The following TMEM135 variants were observed in gnomAD, a reference collection of about 807,000 sequenced individuals.
The protein encoded by TMEM135 is transmembrane protein 135, also known as peroxisomal membrane protein 52.
TMEM135 carries 30 observed loss-of-function variants against 60.3 expected under a neutral mutation model. The ratio of observed to expected loss-of-function variants is 0.50; its 90% CI spans 0.37 to 0.68. The LOEUF (loss-of-function observed/expected upper bound fraction) is 0.68. Among genes scored for constraint, TMEM135 ranks in the 30% least tolerant of loss-of-function variants. The pLI, the probability that TMEM135 is intolerant of heterozygous loss-of-function variation, is 0.00. For missense variants in TMEM135, 468 were observed against 548.8 expected, an observed-to-expected ratio of 0.85 and a Z score of 1.47; for synonymous variants, 190 against 186.7, an observed-to-expected ratio of 1.02 and a Z score of -0.14.
At chr11:87,200,324 A>G (rs570022345) in intron 5 of TMEM135, among the ~76,000 whole-genome samples, 13 of 152,292 alleles carry the variant, frequency 8.5e-5, no homozygotes, top group Admixed American at 7.8e-4. Flanking sequence ...TTATCTTGTT[A>G]TGATTTTGGT....
chr11:87,197,768 T>G (rs1278303926), intron 5 of TMEM135, among the ~76,000 whole-genome samples: 1 of 152,140 alleles, frequency 6.6e-6, no homozygotes, highest in African/African-American at 2.4e-5. Flanking sequence ...AGGGATATCA[T>G]ATAAATGCAA....
intron 9 of TMEM135, among the ~76,000 whole-genome samples, chr11:87,306,619 C>T (rs1416449070): frequency 6.6e-6 from 1 of 152,146 alleles, no homozygotes; most frequent in African/African-American, 2.4e-5. Context: ...TGTGTTGTCC[C>T]TCCTCCCTTC....
intron 6 of TMEM135, among the ~76,000 whole-genome samples, chr11:87,255,758 G>T (rs974363328): frequency 1.3e-5 from 2 of 152,132 alleles, no homozygotes; most frequent in African/African-American, 4.8e-5. Context: ...TTCTCTCCCT[G>T]CCTGTAAGAG....
chr11:87,223,573 T>C (rs1940694709), intron 5 of TMEM135, among the ~76,000 whole-genome samples: 1 of 151,812 alleles, frequency 6.6e-6, no homozygotes, highest in Non-Finnish European at 1.5e-5. Flanking sequence ...CCCCAAAAAG[T>C]CTGGGCATGG....
chr11:87,308,790 G>A (rs1160022743), intron 9 of TMEM135, among the ~76,000 whole-genome samples: 1 of 152,134 alleles, frequency 6.6e-6, no homozygotes, highest in East Asian at 1.9e-4. Context: ...ACCAGTAATA[G>A]TCATCCTCTC....
chr11:87,319,885 C>G (rs1231665801), intron 14 of TMEM135, among the ~76,000 whole-genome samples: 5 of 152,166 alleles, frequency 3.3e-5, no homozygotes, highest in Non-Finnish European at 7.4e-5. Context: ...TGGAGTCAGA[C>G]AGACCTAAGT....
At chr11:87,045,115 C>T (rs1160874362) in intron 1 of TMEM135, among the ~76,000 whole-genome samples, 2 of 151,928 alleles carry the variant, frequency 1.3e-5, no homozygotes, top group East Asian at 1.9e-4. Context: ...CTGCAAGCTG[C>T]GCCTCCCGGG....
Position 87,182,521 on chromosome 11 carries a change from C to T in TMEM135, c.462+25115C>T, listed in dbSNP as rs75155548. ...AATTTGAATCTCCTTGCATCACTAA[C>T]ATCTAAGTATATGGCAAATGCAATT... On this transcript the variant is annotated intron_variant, in intron 5 of 14. Transcript: ENST00000305494. Among the ~76,000 whole-genome samples the T allele has an allele frequency of 8.1e-3, 1,231 of 152,240 alleles. 16 individuals carry two copies. The highest frequency in any genetic ancestry group is 0.028 in the African/African-American group (1,171 of 41,550).
chr11:87,146,481 A>G (rs775059824), intron 4 of TMEM135, among the ~76,000 whole-genome samples: 1 of 152,208 alleles, frequency 6.6e-6, no homozygotes. Flanking sequence ...GCCTTAAGCG[A>G]TCCTCCTACT....
chr11:87,167,148 C>A (rs477062), intron 5 of TMEM135, among the ~76,000 whole-genome samples: 81,005 of 151,884 alleles, frequency 0.53, 22,564 homozygotes, highest in East Asian at 0.73. Flanking sequence ...ATTTTTGCAC[C>A]TTGATTTTGT....
At chr11:87,110,320 G>A (rs1036728313) in intron 4 of TMEM135, among the ~76,000 whole-genome samples, 6 of 152,114 alleles carry the variant, frequency 3.9e-5, no homozygotes, top group African/African-American at 1.4e-4. Context: ...CTGGAAGGCC[G>A]GGCATGGCGG....
intron 6 of TMEM135, among the ~76,000 whole-genome samples, chr11:87,255,155 G>A (rs1250591773): frequency 6.6e-6 from 1 of 151,970 alleles, no homozygotes; most frequent in East Asian, 1.9e-4. Context: ...ACAGTAAATG[G>A]GACTGGACAA....
chr11:87,141,281 T>C (rs1345994715), intron 4 of TMEM135, among the ~76,000 whole-genome samples: 3 of 152,136 alleles, frequency 2.0e-5, no homozygotes, highest in Admixed American at 2.0e-4. Context: ...CACTTTTTAG[T>C]GTTTAGGTCG....
At chr11:87,308,529 C>A (rs1191874452) in intron 9 of TMEM135, among the ~76,000 whole-genome samples, 2 of 152,056 alleles carry the variant, frequency 1.3e-5, no homozygotes, top group Non-Finnish European at 2.9e-5. Context: ...AAGAAAGCTG[C>A]AGTCCAGAAA....
In TMEM135 at chr11:87,192,837, G is replaced by A. The variant is rs189733552; in HGVS notation, c.462+35431G>A. 2.9e-3 allele frequency among the ~76,000 whole-genome samples: 439 copies of A among 152,178 alleles called. 8 individuals carry two copies. Among genetic ancestry groups the A allele is most frequent in the African/African-American group, 9.0e-3 (374 of 41,520 alleles). ...CTTTTAATAAATATTTTGGTTTGCCGGGCATGGTGGCTCACGCCTGTAATT... is the reference window on the plus strand; with the variant it reads ...CTTTTAATAAATATTTTGGTTTGCCAGGCATGGTGGCTCACGCCTGTAATT... On this transcript the variant is annotated intron_variant, in intron 5 of 14. Transcript: ENST00000305494.
rs528384731 is a variant in TMEM135 at position 87,076,490 on chromosome 11, T to C, written c.362+4875T>C. ...GAAATGCTGTCCAAGAGCCTAGACC[T>C]GGACTTGGGGACTCCAGGAGCCTGC... On this transcript the variant is annotated intron_variant, in intron 3 of 14. Coordinates refer to ENST00000305494, the MANE Select transcript of TMEM135 (RefSeq NM_022918.4). Among the ~76,000 whole-genome samples the C allele has an allele frequency of 2.6e-5, 4 of 152,352 alleles. No individual in the cohort carries two copies. The South Asian group carries it at 8.3e-4, about 32-fold the overall frequency.
chr11:87,055,279 G>A (rs550659109), intron 1 of TMEM135, among the ~76,000 whole-genome samples: 3 of 152,198 alleles, frequency 2.0e-5, no homozygotes, highest in African/African-American at 7.2e-5. Flanking sequence ...GAAATAAGAA[G>A]CAATTACTTT....
intron 3 of TMEM135, among the ~76,000 whole-genome samples, chr11:87,083,091 C>T (rs779650314): frequency 6.6e-6 from 1 of 152,106 alleles, no homozygotes; most frequent in Non-Finnish European, 1.5e-5. Flanking sequence ...TCAATTACCC[C>T]CTCCCTTTCT....
intron 5 of TMEM135, among the ~76,000 whole-genome samples, chr11:87,225,698 C>T (rs1210450639): frequency 6.6e-6 from 1 of 152,000 alleles, no homozygotes; most frequent in African/African-American, 2.4e-5. Context: ...ACTAAACCAA[C>T]ATTATTAAGA....
Sources: allele counts gnomAD v4.1 joint callset (sites outside exome capture counted in the v4.1 genomes callset), GRCh38; gene constraint gnomAD v4.1.1; transcripts MANE v1.5; gene names NCBI Gene and HGNC (gene_info 2026-07-23, HGNC 2026-07-21).